The following PALM2AKAP2 variants were observed in gnomAD, a reference collection of about 807,000 sequenced individuals.
PALM2AKAP2 encodes the protein PALM2-AKAP2 fusion protein.
A neutral mutation model predicts 71.5 loss-of-function variants in PALM2AKAP2; 37 were observed. The ratio of observed to expected loss-of-function variants is 0.52; its 90% confidence interval spans 0.40 to 0.68. The LOEUF is 0.68. Among genes scored for constraint, PALM2AKAP2 ranks in the 30% least tolerant of loss-of-function variants. The pLI is 0.00. For missense variants in PALM2AKAP2, 1,224 were observed against 1,191.8 expected, an observed-to-expected ratio of 1.03 and a Z score of -0.40; for synonymous variants, 468 against 478.8, an observed-to-expected ratio of 0.98 and a Z score of 0.29.
intron 1 of PALM2AKAP2, among the ~76,000 whole-genome samples, chr9:109,808,988 C>A (rs904625946): frequency 1.3e-5 from 2 of 152,226 alleles, no homozygotes; most frequent in African/African-American, 4.8e-5. Flanking sequence ...GGTTTGGGAA[C>A]CTCCCCCTGG....
chr9:109,825,326 C>A (rs1261552256), intron 1 of PALM2AKAP2, among the ~76,000 whole-genome samples: 1 of 152,170 alleles, frequency 6.6e-6, no homozygotes, highest in Non-Finnish European at 1.5e-5. Flanking sequence ...GTCTAAAACA[C>A]CAAAAGCAAT....
intron 1 of PALM2AKAP2, among the ~76,000 whole-genome samples, chr9:110,071,070 A>C (rs1834195097): frequency 6.7e-6 from 1 of 148,462 alleles, no homozygotes; most frequent in Non-Finnish European, 1.5e-5. Context: ...AGGCTGAGGC[A>C]GGAGAATTGC....
At chr9:109,787,429 A>C (rs1471480820) in intron 1 of PALM2AKAP2, among the ~76,000 whole-genome samples, 1 of 152,226 alleles carries the variant, frequency 6.6e-6, no homozygotes, top group East Asian at 1.9e-4. Context: ...CAAACTAGGA[A>C]ATTAGATAAA....
At chr9:109,792,147 C>T (rs1257294378) in intron 1 of PALM2AKAP2, among the ~76,000 whole-genome samples, 1 of 152,116 alleles carries the variant, frequency 6.6e-6, no homozygotes, top group East Asian at 1.9e-4. Context: ...ATAAGAAAAC[C>T]ATAGTCTTGG....
chr9:109,725,699 C>T (rs1188092312), intron 1 of PALM2AKAP2, among the ~76,000 whole-genome samples: 5 of 152,084 alleles, frequency 3.3e-5, no homozygotes, highest in South Asian at 4.1e-4. Context: ...AAAAGATATC[C>T]GTGTTGCATT....
rs145669686 is a variant in PALM2AKAP2, at chr9:109,810,083, A to C, written c.45+29550A>C. ...CCTACCTAATATAATCACATTGATA[A>C]TTAGGTTTTCAACATATAAATTTGG... On this transcript the variant is annotated intron_variant, in intron 1 of 9. Transcript: ENST00000302798. 1.7e-3 allele frequency among the ~76,000 whole-genome samples: 266 copies of C among 152,350 alleles called. 1 individual carries two copies. Among genetic ancestry groups the C allele is most frequent in the Non-Finnish European group, 2.8e-3 (193 of 68,028 alleles).
rs12003796 is a variant in PALM2AKAP2, at chr9:110,085,138, G to T, written c.156+36283G>T. On this transcript the variant is annotated intron_variant, in intron 1 of 3. Coordinates refer to ENST00000374525, the Ensembl canonical transcript of PALM2AKAP2. ...CAGAGGGCCAATTGTACTTACTCTT[G>T]GGAGGAAAAATCGGAGGGAAGCAGG... is the stretch of plus-strand genomic sequence containing the variant. Among the ~76,000 whole-genome samples, 305 of 152,264 alleles carry T rather than the reference G, an allele frequency of 2.0e-3. 1 individual carries two copies. The highest frequency in any genetic ancestry group is 7.2e-3 in the African/African-American group (299 of 41,564).
intron 1 of PALM2AKAP2, among the ~76,000 whole-genome samples, chr9:109,658,578 G>A (rs947274416): frequency 7.2e-5 from 11 of 152,130 alleles, no homozygotes; most frequent in Non-Finnish European, 1.5e-4. Flanking sequence ...TGCTGATAAA[G>A]ACATACCTGA....
At chr9:110,131,929 G>A (rs151221596) in intron 1 of PALM2AKAP2, among the ~76,000 whole-genome samples, 10 of 152,172 alleles carry the variant, frequency 6.6e-5, no homozygotes, top group Admixed American at 2.0e-4. Context: ...CCTCTTTCCT[G>A]TTTACACCCT....
chr9:109,925,102 A>G lies in PALM2AKAP2; in HGVS notation c.394+20A>G, dbSNP rs751022662. On this transcript the variant is annotated intron_variant, in intron 5 of 9. Coordinates refer to the PALM2AKAP2 transcript ENST00000302798. Reference sequence around the variant, plus strand: ...ATGGAGGTAAGTGCTCTCTGCCCCGACTGTAGATGAATGTTTTAATCCTGG... The same window carrying G: ...ATGGAGGTAAGTGCTCTCTGCCCCGGCTGTAGATGAATGTTTTAATCCTGG... The G allele has an allele frequency of 1.2e-6, 2 of 1,614,012 alleles. No homozygotes were observed. The highest frequency in any genetic ancestry group is 1.7e-6 in the Non-Finnish European group (2 of 1,179,946).
At chr9:110,084,215 G>A (rs1834509767) in intron 1 of PALM2AKAP2, among the ~76,000 whole-genome samples, 1 of 152,192 alleles carries the variant, frequency 6.6e-6, no homozygotes, top group African/African-American at 2.4e-5. Context: ...GCTGAAAACA[G>A]TAAGATGTTC....
At chr9:110,102,840 C>G (rs746812007) in intron 1 of PALM2AKAP2, among the ~76,000 whole-genome samples, 1 of 152,180 alleles carries the variant, frequency 6.6e-6, no homozygotes, top group Non-Finnish European at 1.5e-5. Context: ...TCTTCCTCCT[C>G]GAGCCCCTTA....
chr9:109,862,910 G>A (rs1829353312), intron 1 of PALM2AKAP2: 2 of 514,952 alleles, frequency 3.9e-6, no homozygotes, highest in Non-Finnish European at 7.7e-6. Flanking sequence ...TCAGGAGACT[G>A]CAAGTAGTCT....
At chr9:110,127,443 C>G (rs905600762) in intron 1 of PALM2AKAP2, among the ~76,000 whole-genome samples, 19 of 152,260 alleles carry the variant, frequency 1.2e-4, no homozygotes, top group Admixed American at 1.2e-3. Context: ...CCACAATCAA[C>G]ACGGGCCCCT....
chr9:109,826,358 G>A (rs920838469), intron 1 of PALM2AKAP2, among the ~76,000 whole-genome samples: 11 of 152,022 alleles, frequency 7.2e-5, no homozygotes, highest in African/African-American at 2.7e-4. Flanking sequence ...AAAACTTAAA[G>A]TATAATAAAA....
chr9:109,659,931 C>G (rs1827364382), intron 1 of PALM2AKAP2, among the ~76,000 whole-genome samples: 1 of 152,072 alleles, frequency 6.6e-6, no homozygotes, highest in East Asian at 1.9e-4. Flanking sequence ...CCCTTTACCT[C>G]TCAGGCTCAA....
chr9:110,033,217 G>A (rs74514195), intron 7 of PALM2AKAP2, among the ~76,000 whole-genome samples: 2,207 of 152,276 alleles, frequency 0.014, 42 homozygotes, highest in African/African-American at 0.051. Context: ...TATCCCATGA[G>A]TGACACAGGA....
intron 1 of PALM2AKAP2, among the ~76,000 whole-genome samples, chr9:109,688,791 T>A (rs1008816640): frequency 2.0e-5 from 3 of 152,230 alleles, no homozygotes; most frequent in African/African-American, 7.2e-5. Context: ...TGCTTGCTTC[T>A]AAAAAGTACA....
intron 7 of PALM2AKAP2, among the ~76,000 whole-genome samples, chr9:110,038,653 T>C (rs1440668985): frequency 1.3e-5 from 2 of 151,928 alleles, no homozygotes; most frequent in African/African-American, 4.8e-5. Context: ...AAAAAATTAT[T>C]GTAGGCTGGG....
Sources: allele counts gnomAD v4.1 joint callset (sites outside exome capture counted in the v4.1 genomes callset), GRCh38; gene constraint gnomAD v4.1.1; transcripts MANE v1.5; gene names NCBI Gene and HGNC (gene_info 2026-07-23, HGNC 2026-07-21).